GPR158: variants seen among roughly 807,000 people sequenced by gnomAD.
GPR158 encodes the protein G protein-coupled receptor 158.
In GPR158, 30 loss-of-function variants were observed where a neutral mutation model predicts 78.2. That is an observed-to-expected ratio of 0.38 (90% CI 0.29 to 0.52). GPR158 has a LOEUF of 0.52. Ranked by LOEUF, GPR158 falls within the 20% of genes least tolerant of loss-of-function variation. The pLI, the probability that GPR158 is intolerant of heterozygous loss-of-function variation, is 0.83. For missense variants in GPR158, 1,463 were observed against 1,523.5 expected (o/e 0.96, Z 0.66); for synonymous variants, 581 against 591.1 (o/e 0.98, Z 0.25).
At chr10:25,376,577 C>T (rs935134484) in intron 2 of GPR158, among the ~76,000 whole-genome samples, 11 of 151,576 alleles carry the variant, frequency 7.3e-5, no homozygotes, top group Non-Finnish European at 8.9e-5. Context: ...CATATTTATC[C>T]ATTCCATTGC....
rs143452785 is a variant in GPR158 at position 25,421,619 on chromosome 10, T to C, written c.1335+9146T>C. 5.6e-3 allele frequency among the ~76,000 whole-genome samples: 853 copies of C among 152,326 alleles called. 9 individuals carry two copies. The highest frequency in any genetic ancestry group is 0.02 in the African/African-American group (812 of 41,576). On this transcript the variant is annotated intron_variant, in intron 4 of 10. Transcript: ENST00000376351. ...TAATGGATGATACTTCCTTCAATTT[T>C]TGTTTTTCTAAGGTCTACAAAATTA...
At chr10:25,250,642 C>G (rs1485006405) in intron 2 of GPR158, among the ~76,000 whole-genome samples, 2 of 149,396 alleles carry the variant, frequency 1.3e-5, no homozygotes, top group Non-Finnish European at 3.0e-5. Context: ...ATTCTTAATC[C>G]TGAGTTCTAG....
chr10:25,346,127 A>G (rs985381320), intron 2 of GPR158, among the ~76,000 whole-genome samples: 7 of 151,964 alleles, frequency 4.6e-5, no homozygotes, highest in African/African-American at 1.7e-4. Context: ...TCTCATATAT[A>G]ATGAGAATTT....
chr10:25,411,093 TG>T (rs1834578059), intron 3 of GPR158, among the ~76,000 whole-genome samples: 1 of 151,072 alleles, frequency 6.6e-6, no homozygotes, highest in Non-Finnish European at 1.5e-5. Flanking sequence ...TAGTTGTTTC[TG>T]TTTTGTTTTT....
chr10:25,215,551 A>G (rs1290968155), intron 1 of GPR158, among the ~76,000 whole-genome samples: 1 of 152,220 alleles, frequency 6.6e-6, no homozygotes, highest in African/African-American at 2.4e-5. Context: ...AAGCGAAAAC[A>G]TGGCTGGGCA....
At chr10:25,354,791 T>C (rs1588819598) in intron 2 of GPR158, among the ~76,000 whole-genome samples, 1 of 147,864 alleles carries the variant, frequency 6.8e-6, no homozygotes, top group African/African-American at 2.7e-5. Context: ...GGGAAAGACT[T>C]TATCTGAAGG....
rs761301738 is a variant in GPR158, at chr10:25,572,816, A to G, written c.1682A>G (p.Gln561Arg). ...NLEKQISLIG[Q>R]GKTSDHLIFN... is the part of the protein sequence containing the mutation. ...GAGAAACAGATTTCACTTATTGGCC[A>G]GGGGAAAACATCCGATCACCTCATC... The change falls in exon 7 of 11, where the codon CAG (glutamine) becomes CGG (arginine). Residue 561 changes from glutamine to arginine, a missense_variant. By Grantham distance (43) the Gln-to-Arg change is conservative (BLOSUM62 1). Transcript: ENST00000376351. 1.7e-5 allele frequency: 27 copies of G among 1,613,866 alleles called. No homozygotes were observed. The African/African-American group carries it at 3.2e-4, about 19-fold the overall frequency.
chr10:25,216,895 A>G (rs1025289063), intron 1 of GPR158, among the ~76,000 whole-genome samples: 3 of 152,184 alleles, frequency 2.0e-5, no homozygotes, highest in Admixed American at 6.5e-5. Flanking sequence ...GAATATATGC[A>G]TGACAGTGGT....
chr10:25,357,584 G>A (rs576692744), intron 2 of GPR158, among the ~76,000 whole-genome samples: 30 of 152,232 alleles, frequency 2.0e-4, no homozygotes, highest in African/African-American at 7.2e-4. Context: ...GAGAGTGCAA[G>A]CCCCAAGCCT....
At position 25,196,230 on chromosome 10, in the gene GPR158, A is replaced by T. The variant is rs559426590; in HGVS notation, c.902+19908A>T. Among the ~76,000 whole-genome samples the T allele has an allele frequency of 5.3e-4, 79 of 147,770 alleles. No homozygotes were observed. The South Asian group carries it at 0.016, about 30-fold the overall frequency. ...TAACTTTTCTTTCATTTTCTCCTTTAAAAAAAAAACTTCTGAGAGATTTTA... is the reference window on the plus strand; with the variant it reads ...TAACTTTTCTTTCATTTTCTCCTTTTAAAAAAAAACTTCTGAGAGATTTTA... On this transcript the variant is annotated intron_variant, in intron 1 of 10. Coordinates refer to ENST00000376351, the MANE Select transcript of GPR158 (RefSeq NM_020752.3).
chr10:25,413,671 TG>T (rs1356438559), intron 4 of GPR158, among the ~76,000 whole-genome samples: 2 of 152,222 alleles, frequency 1.3e-5, no homozygotes, highest in African/African-American at 4.8e-5. Flanking sequence ...CCTCTGTGAA[TG>T]GCATCTATTA....
chr10:25,417,493 G>A (rs577146977), intron 4 of GPR158, among the ~76,000 whole-genome samples: 16 of 152,260 alleles, frequency 1.1e-4, no homozygotes, highest in African/African-American at 3.9e-4. Flanking sequence ...TTCTATGCAT[G>A]AAATCTATTT....
At chr10:25,189,641 T>C (rs1404672495) in intron 1 of GPR158, among the ~76,000 whole-genome samples, 1 of 149,700 alleles carries the variant, frequency 6.7e-6, no homozygotes, top group African/African-American at 2.5e-5. Flanking sequence ...TGTCGTGGGG[T>C]TGGGGGAGGA....
rs192622814 is a variant in GPR158 at position 25,383,873 on chromosome 10, T to G, written c.1009-12038T>G. On this transcript the variant is annotated intron_variant, in intron 2 of 10. Transcript: ENST00000376351. ...TTCCTAGGCAGTGATTGATACTCTT[T>G]GGAGCCACACCCTTGGGGTTGAATC... Among the ~76,000 whole-genome samples, 287 of 152,332 alleles carry G rather than the reference T, an allele frequency of 1.9e-3. 1 individual carries two copies. The highest frequency in any genetic ancestry group is 6.5e-3 in the African/African-American group (271 of 41,576).
chr10:25,500,210 A>G (rs562454928), intron 5 of GPR158, among the ~76,000 whole-genome samples: 2 of 152,324 alleles, frequency 1.3e-5, no homozygotes, highest in African/African-American at 4.8e-5. Flanking sequence ...TTAACCTGGT[A>G]GTAATTTGAG....
intron 2 of GPR158, among the ~76,000 whole-genome samples, chr10:25,225,027 A>G (rs1853355044): frequency 6.6e-6 from 1 of 152,132 alleles, no homozygotes; most frequent in African/African-American, 2.4e-5. Context: ...TCCATTTTCA[A>G]AATGCTCACT....
intron 5 of GPR158, among the ~76,000 whole-genome samples, chr10:25,509,151 C>A (rs150968276): frequency 2.6e-5 from 4 of 152,076 alleles, no homozygotes; most frequent in African/African-American, 9.7e-5. Flanking sequence ...CCAGAAGCAC[C>A]GCCTCCCTCA....
At position 25,253,175 on chromosome 10, in the gene GPR158, C is replaced by T. The variant is rs908116567; in HGVS notation, c.1008+32018C>T. 1.4e-4 allele frequency among the ~76,000 whole-genome samples: 22 copies of T among 151,988 alleles called. No individual in the cohort carries two copies. In the East Asian group the frequency reaches 2.5e-3, roughly 17 times the overall value. Reference sequence around the variant, plus strand: ...CAATGCCTCGCCCTGCTTCGGCTCGCGCACCGTGCGCGCACCCACTGGCCT... The same window carrying T: ...CAATGCCTCGCCCTGCTTCGGCTCGTGCACCGTGCGCGCACCCACTGGCCT... On this transcript the variant is annotated intron_variant, in intron 2 of 10. Transcript: ENST00000376351.
chr10:25,547,477 C>G (rs1836677768), intron 5 of GPR158, among the ~76,000 whole-genome samples: 1 of 152,186 alleles, frequency 6.6e-6, no homozygotes, highest in African/African-American at 2.4e-5. Flanking sequence ...CTCCCTCCCT[C>G]TTTCATCTTT....
Sources: gnomAD v4.1 joint callset for allele counts (sites outside exome capture counted in the v4.1 genomes callset) on GRCh38, gnomAD v4.1.1 for gene constraint, MANE v1.5 for transcripts, NCBI Gene and HGNC (gene_info 2026-07-23, HGNC 2026-07-21) for gene names.